The following ABHD12 variants were observed in gnomAD, a reference collection of about 807,000 sequenced individuals.
ABHD12 encodes lysophosphatidylserine lipase ABHD12.
In ABHD12, 43 loss-of-function variants were observed where a neutral mutation model predicts 58.3. The ratio of observed to expected loss-of-function variants is 0.74; its 90% CI spans 0.58 to 0.95. The LOEUF (loss-of-function observed/expected upper bound fraction) is 0.95. ABHD12 is among the 40% of genes least tolerant of loss of function. The probability of loss-of-function intolerance (pLI) is 0.00; values close to 1 mark genes in which losing one functional copy is unlikely to be tolerated. For synonymous variants in ABHD12, 219 were observed against 211.2 expected, an observed-to-expected ratio of 1.04 and a Z score of -0.32; for missense variants, 539 against 537.2, an observed-to-expected ratio of 1.00 and a Z score of -0.03.
chr20:25,298,755 G>A (rs1277122470), downstream of ABHD12, among the ~76,000 whole-genome samples: 2 of 152,368 alleles, frequency 1.3e-5, no homozygotes, highest in East Asian at 3.9e-4. Flanking sequence ...TAAGAAATCA[G>A]GAGAAATGAG....
chr20:25,353,496 G>A (rs2089629162), intron 1 of ABHD12, among the ~76,000 whole-genome samples: 1 of 152,132 alleles, frequency 6.6e-6, no homozygotes, highest in Non-Finnish European at 1.5e-5. Context: ...GGTTATTTAT[G>A]CAGCACTCAG....
At chr20:25,315,072 T>C in intron 5 of ABHD12, 102 bp from the exon 6 acceptor site, 1 of 1,213,302 alleles carries the variant, frequency 8.2e-7, no homozygotes, top group Non-Finnish European at 1.2e-6. Context: ...TCCTCTGCCT[T>C]GTACGTAGTG....
At chr20:25,320,704 A>C (rs1170939465) in intron 3 of ABHD12, among the ~76,000 whole-genome samples, 2 of 152,258 alleles carry the variant, frequency 1.3e-5, no homozygotes, top group East Asian at 3.8e-4. Flanking sequence ...CCCCATGCTT[A>C]AATTGTCCAC....
At chr20:25,335,020 C>T (rs2089339896) in intron 2 of ABHD12, among the ~76,000 whole-genome samples, 1 of 151,926 alleles carries the variant, frequency 6.6e-6, no homozygotes, top group South Asian at 2.1e-4. Context: ...GAATAGGCAA[C>T]CTACAAAATG....
At chr20:25,313,916 T>C (rs2088911680) in intron 6 of ABHD12, among the ~76,000 whole-genome samples, 1 of 152,178 alleles carries the variant, frequency 6.6e-6, no homozygotes. Flanking sequence ...TGGCAAGCCC[T>C]GGTTCATTCA....
At chr20:25,343,027 T>C (rs1433906722) in intron 1 of ABHD12, among the ~76,000 whole-genome samples, 1 of 152,174 alleles carries the variant, frequency 6.6e-6, no homozygotes, top group Non-Finnish European at 1.5e-5. Context: ...ACTCCTGGGC[T>C]AGGGCAATCC....
chr20:25,383,962 A>AG (rs2090053837), intron 1 of ABHD12, among the ~76,000 whole-genome samples: 1 of 137,036 alleles, frequency 7.3e-6, no homozygotes, highest in Admixed American at 7.4e-5. Context: ...CTCAAAAAAA[A>AG]AAAAAAAAAA....
At chr20:25,314,783 T>C (rs1600783153) in intron 6 of ABHD12, 142 bp downstream of exon 6, 2 of 945,104 alleles carry the variant, frequency 2.1e-6, no homozygotes, top group Middle Eastern at 2.5e-4. Flanking sequence ...TCAGGGTCTT[T>C]GTCAGGACCC....
At chr20:25,353,610 G>A (rs1218341258) in intron 1 of ABHD12, among the ~76,000 whole-genome samples, 1 of 152,162 alleles carries the variant, frequency 6.6e-6, no homozygotes, top group Non-Finnish European at 1.5e-5. Context: ...TCACTTTAGA[G>A]CAGGACTGAG....
At position 25,344,647 on chromosome 20, in the gene ABHD12, G is replaced by A. The variant is rs73345088; in HGVS notation, c.192-5296C>T. On this transcript the variant is annotated intron_variant, in intron 1 of 12. Coordinates refer to ENST00000339157, the MANE Select transcript of ABHD12 (RefSeq NM_001042472.3). ...ATCAGATCCCAGCAAGTTATTTCCCGGATATTGACAAACTGATCCTAAAGT... is the reference window on the plus strand; with the variant it reads ...ATCAGATCCCAGCAAGTTATTTCCCAGATATTGACAAACTGATCCTAAAGT... Among the ~76,000 whole-genome samples the A allele has an allele frequency of 6.6e-3, 1,001 of 152,188 alleles. 16 individuals are homozygous for A. Among genetic ancestry groups the A allele is most frequent in the African/African-American group, 0.023 (956 of 41,494 alleles).
At chr20:25,361,493 C>G (rs554302895) in intron 1 of ABHD12, among the ~76,000 whole-genome samples, 4 of 152,206 alleles carry the variant, frequency 2.6e-5, no homozygotes, top group African/African-American at 9.6e-5. Context: ...ACATGCGCCA[C>G]CTCGCCTAGG....
chr20:25,373,148 G>A lies in ABHD12; in HGVS notation c.191+17365C>T, dbSNP rs73347068. Among the ~76,000 whole-genome samples the A allele has an allele frequency of 7.6e-4, 116 of 152,258 alleles. 1 individual carries two copies. The highest frequency in any genetic ancestry group is 2.7e-3 in the African/African-American group (113 of 41,546). On this transcript the variant is annotated intron_variant, in intron 1 of 12. Coordinates refer to ENST00000339157, the MANE Select transcript of ABHD12 (RefSeq NM_001042472.3). Reference sequence around the variant, plus strand: ...TGTGTAAATACACTCTGATCTTCGCGTGACAATGCACTTGCCTAACACCAC... The same window carrying A: ...TGTGTAAATACACTCTGATCTTCGCATGACAATGCACTTGCCTAACACCAC...
chr20:25,310,095 C>A (rs1302388306), intron 6 of ABHD12: 2 of 166,414 alleles, frequency 1.2e-5, no homozygotes, highest in African/African-American at 4.8e-5. Flanking sequence ...ACTTCTCCCC[C>A]ATCCCCCAGC....
chr20:25,336,880 G>A (rs535357528), intron 2 of ABHD12, among the ~76,000 whole-genome samples: 1 of 152,162 alleles, frequency 6.6e-6, no homozygotes, highest in Admixed American at 6.5e-5. Context: ...AGATGCCCAG[G>A]GGGGTGAGGC....
At chr20:25,365,073 C>A (rs2146094772) in intron 1 of ABHD12, among the ~76,000 whole-genome samples, 2 of 152,352 alleles carry the variant, frequency 1.3e-5, no homozygotes, top group South Asian at 2.1e-4. Context: ...CCTCATGTGG[C>A]TGGCTGCTGG....
At chr20:25,341,756 G>A (rs2089457158) in intron 1 of ABHD12, among the ~76,000 whole-genome samples, 1 of 152,070 alleles carries the variant, frequency 6.6e-6, no homozygotes, top group African/African-American at 2.4e-5. Flanking sequence ...GGAGAAACTG[G>A]GTATAATGTG....
intron 2 of ABHD12, among the ~76,000 whole-genome samples, chr20:25,328,097 T>C: frequency 6.8e-6 from 1 of 147,162 alleles, no homozygotes. Context: ...AAAACGCCAG[T>C]CTCCTGGAAA....
chr20:25,321,461 G>T (rs1183147523), intron 3 of ABHD12, among the ~76,000 whole-genome samples: 2 of 152,238 alleles, frequency 1.3e-5, no homozygotes, highest in African/African-American at 4.8e-5. Context: ...TTGGTGAGCT[G>T]GGCCTGCTGC....
chr20:25,339,090 T>C, intron 2 of ABHD12, 137 bp downstream of exon 2: 15 of 1,458,774 alleles, frequency 1.0e-5, no homozygotes, highest in Non-Finnish European at 1.4e-5. Context: ...ATATAAACTG[T>C]ACACTTAAGA....
Sources: gnomAD v4.1 joint callset for allele counts (sites outside exome capture counted in the v4.1 genomes callset) on GRCh38, gnomAD v4.1.1 for gene constraint, MANE v1.5 for transcripts, NCBI Gene and HGNC (gene_info 2026-07-23, HGNC 2026-07-21) for gene names.